TTC27: variants seen among roughly 807,000 people sequenced by gnomAD.
TTC27 encodes tetratricopeptide repeat protein 27.
In TTC27, 79 loss-of-function variants were observed where a neutral mutation model predicts 115.9. The ratio of observed to expected loss-of-function variants is 0.68; its 90% CI spans 0.57 to 0.82. The LOEUF (loss-of-function observed/expected upper bound fraction) is 0.82. TTC27 is among the 40% of genes least tolerant of loss of function. TTC27 has a pLI of 0.00. For missense variants in TTC27, 1,054 were observed against 993.1 expected, an observed-to-expected ratio of 1.06 and a Z score of -0.82; for synonymous variants, 401 against 356.0, an observed-to-expected ratio of 1.13 and a Z score of -1.42.
At chr2:32,631,021 A>T (rs1161110416) in intron 2 of TTC27, among the ~76,000 whole-genome samples, 1 of 152,218 alleles carries the variant, frequency 6.6e-6, no homozygotes, top group Admixed American at 6.5e-5. Context: ...ACATACTTTC[A>T]GGCTGGGTGC....
intron 9 of TTC27, among the ~76,000 whole-genome samples, chr2:32,680,316 A>T (rs1666373848): frequency 6.6e-6 from 1 of 152,210 alleles, no homozygotes; most frequent in Non-Finnish European, 1.5e-5. Flanking sequence ...TCATTCAGCT[A>T]ATATATATCT....
At chr2:32,645,738 A>G (rs1664828465) in intron 4 of TTC27, among the ~76,000 whole-genome samples, 1 of 151,306 alleles carries the variant, frequency 6.6e-6, no homozygotes, top group Non-Finnish European at 1.5e-5. Flanking sequence ...TTTTTTTGAG[A>G]CAGAGTTTTA....
At chr2:32,706,988 T>A (rs1667396265) in intron 10 of TTC27, among the ~76,000 whole-genome samples, 1 of 152,206 alleles carries the variant, frequency 6.6e-6, no homozygotes, top group Non-Finnish European at 1.5e-5. Context: ...TGAAGTGATA[T>A]GTACCACTTC....
At chr2:32,660,286 A>G (rs62136356) in intron 5 of TTC27, among the ~76,000 whole-genome samples, 14,264 of 152,032 alleles carry the variant, frequency 0.094, 926 homozygotes, top group Non-Finnish European at 0.13. Flanking sequence ...GCTTTTTTTC[A>G]TATGTTTATT....
Position 32,749,418 on chromosome 2 carries a change from A to G in TTC27, c.1453-8874A>G, listed in dbSNP as rs574137398. On this transcript the variant is annotated intron_variant, in intron 12 of 19. Transcript: ENST00000317907. Reference sequence around the variant, plus strand: ...TTGCAGGCTCTTGGTATTCAAGACTACTACAGAACTGGAGAAGAGGGGATT... The same window carrying G: ...TTGCAGGCTCTTGGTATTCAAGACTGCTACAGAACTGGAGAAGAGGGGATT... Among the ~76,000 whole-genome samples the G allele has an allele frequency of 1.2e-4, 19 of 152,370 alleles. No homozygotes were observed. The East Asian group carries it at 3.5e-3, about 28-fold the overall frequency.
chr2:32,746,732 T>A (rs1482286491), intron 12 of TTC27, among the ~76,000 whole-genome samples: 1 of 152,170 alleles, frequency 6.6e-6, no homozygotes. Flanking sequence ...TTATGTTCAC[T>A]GGGCACATCT....
intron 13 of TTC27, 53 bp downstream of exon 13, chr2:32,758,572 AT>A: frequency 6.5e-7 from 1 of 1,545,424 alleles, no homozygotes; most frequent in Admixed American, 1.8e-5. Context: ...TGTTCTTTGG[AT>A]TTGATCTTAC....
At chr2:32,773,501 A>G (rs2116586) in intron 13 of TTC27, among the ~76,000 whole-genome samples, 125,131 of 152,262 alleles carry the variant, frequency 0.82, 51,483 homozygotes, top group Middle Eastern at 0.9. Flanking sequence ...TGGTATTGCC[A>G]TAAATCATGG....
intron 13 of TTC27, among the ~76,000 whole-genome samples, chr2:32,773,341 A>G (rs901796511): frequency 3.3e-5 from 5 of 151,974 alleles, no homozygotes; most frequent in African/African-American, 1.2e-4. Context: ...CCATTTTTCT[A>G]TGTTTTCTTT....
chr2:32,644,844 CCTTT>C (rs1195121077), intron 4 of TTC27, among the ~76,000 whole-genome samples: 1 of 119,392 alleles, frequency 8.4e-6, no homozygotes, highest in African/African-American at 3.1e-5. Flanking sequence ...TTCGTTCCTT[CCTTT>C]CTTCTTTTCT....
chr2:32,789,691 G>A (rs530815229), intron 16 of TTC27, among the ~76,000 whole-genome samples: 6 of 151,992 alleles, frequency 3.9e-5, no homozygotes, highest in East Asian at 1.9e-4. Flanking sequence ...AGGCCAAGGC[G>A]GGAAAATTAC....
At chr2:32,767,460 T>G (rs79847795) in intron 13 of TTC27, among the ~76,000 whole-genome samples, 3,507 of 142,180 alleles carry the variant, frequency 0.025, 92 homozygotes, top group Non-Finnish European at 0.035. Flanking sequence ...TTTGTTTTTT[T>G]TTTTTTTTTT....
intron 12 of TTC27, among the ~76,000 whole-genome samples, chr2:32,754,282 G>A (rs1176685489): frequency 6.6e-6 from 1 of 150,848 alleles, no homozygotes; most frequent in Non-Finnish European, 1.5e-5. Flanking sequence ...TTAGGCAGAG[G>A]ACCCTTCGGC....
Position 32,798,404 on chromosome 2 carries a change from AAAAG to A in TTC27, c.1998+11267_1998+11270del, listed in dbSNP as rs1241073822. Among the ~76,000 whole-genome samples the A allele has an allele frequency of 9.6e-5, 14 of 145,170 alleles. 2 individuals are homozygous for A. Among genetic ancestry groups the A allele is most frequent in the Non-Finnish European group, 1.8e-4 (12 of 66,498 alleles). On this transcript the variant is annotated intron_variant, in intron 16 of 19. Transcript: ENST00000317907. ...GACAGAGCGCGACTCCATCTCAAAA[AAAAG>A]AAAGAAAGAAAATGGCTGGGCGCGG... is the stretch of plus-strand genomic sequence containing the variant.
intron 8 of TTC27, among the ~76,000 whole-genome samples, chr2:32,676,168 C>G (rs1319841735): frequency 2.0e-5 from 3 of 151,940 alleles, no homozygotes; most frequent in Non-Finnish European, 4.4e-5. Flanking sequence ...TAGACTCTTG[C>G]TGTTCACTGG....
chr2:32,648,117 A>G (rs191822536), intron 4 of TTC27, among the ~76,000 whole-genome samples: 1 of 150,676 alleles, frequency 6.6e-6, no homozygotes, highest in Non-Finnish European at 1.5e-5. Context: ...AGAGATTTTC[A>G]CTCTTCACCG....
chr2:32,781,464 G>C (rs1187492010), intron 14 of TTC27, among the ~76,000 whole-genome samples: 1 of 152,114 alleles, frequency 6.6e-6, no homozygotes, highest in Non-Finnish European at 1.5e-5. Flanking sequence ...CCTCGTGGAT[G>C]CTGTGCTGTT....
intron 10 of TTC27, among the ~76,000 whole-genome samples, chr2:32,724,318 C>A (rs1036850513): frequency 6.6e-6 from 1 of 152,056 alleles, no homozygotes; most frequent in Non-Finnish European, 1.5e-5. Context: ...ATAATAAGGG[C>A]AGTGAGATAT....
intron 14 of TTC27, among the ~76,000 whole-genome samples, chr2:32,781,297 G>T (rs1670167472): frequency 6.6e-6 from 1 of 152,144 alleles, no homozygotes; most frequent in African/African-American, 2.4e-5. Context: ...CTTTGAACAT[G>T]TTTATAATAA....
Sources: gnomAD v4.1 joint callset for allele counts (sites outside exome capture counted in the v4.1 genomes callset) on GRCh38, gnomAD v4.1.1 for gene constraint, MANE v1.5 for transcripts, NCBI Gene and HGNC (gene_info 2026-07-23, HGNC 2026-07-21) for gene names.